Variants in INPP4A observed in about 807,000 individuals in gnomAD.
INPP4A encodes the protein inositol polyphosphate-4-phosphatase type I A, also known as inositol polyphosphate-4-phosphatase, type I, 107kD.
A neutral mutation model predicts 119.8 loss-of-function variants in INPP4A; 33 were observed. That is an observed-to-expected ratio of 0.28 (90% CI 0.21 to 0.37). INPP4A has a LOEUF of 0.37. Among genes scored for constraint, INPP4A ranks in the 10% least tolerant of loss-of-function variants. INPP4A has a pLI of 1.00. For synonymous variants in INPP4A, 496 were observed against 500.7 expected (o/e 0.99, Z 0.12); for missense variants, 956 against 1,289.9 (o/e 0.74, Z 3.97).
In INPP4A at chr2:98,591,273, C is replaced by T. The variant is rs555975723; in HGVS notation, c.*3665C>T. The T allele has an allele frequency of 1.8e-5, 3 of 167,674 alleles. No homozygotes were observed. Among genetic ancestry groups the T allele is most frequent in the African/African-American group, 7.1e-5 (3 of 42,094 alleles). The allele number at this position is 167,674 out of a possible 1,614,324, so 10.4% of individuals were successfully genotyped here. On this transcript the variant is annotated 3_prime_UTR_variant, in exon 25 of 25. Transcript: ENST00000409851. ...GGCTGGACTAAAGTGCTCACTGGCA[C>T]CTTGCTTGGTGCATGGGCCATGCTC...
At chr2:98,514,451 A>T (rs982208647) in intron 1 of INPP4A, among the ~76,000 whole-genome samples, 5 of 152,168 alleles carry the variant, frequency 3.3e-5, no homozygotes, top group Middle Eastern at 3.4e-3. Flanking sequence ...GGGGGCTCTT[A>T]AATTTAGGAT....
chr2:98,561,480 A>G (rs1160588110), intron 17 of INPP4A, among the ~76,000 whole-genome samples: 1 of 152,242 alleles, frequency 6.6e-6, no homozygotes, highest in African/African-American at 2.4e-5. Flanking sequence ...CTCTGGGCAG[A>G]TAACGACACT....
chr2:98,461,709 C>T (rs1697182107), intron 1 of INPP4A, among the ~76,000 whole-genome samples: 1 of 152,168 alleles, frequency 6.6e-6, no homozygotes, highest in Admixed American at 6.5e-5. Context: ...TGTGTATATG[C>T]CAGCAGGCCT....
chr2:98,556,283 C>T lies in INPP4A; in HGVS notation c.1822+475C>T, dbSNP rs1367432091. Among the ~76,000 whole-genome samples, 4 of 152,326 alleles carry T rather than the reference C, an allele frequency of 2.6e-5. No individual in the cohort carries two copies. The East Asian group carries it at 7.7e-4, about 29-fold the overall frequency. ...ATGTCTAAAAGCTGGTTGGCATTGG[C>T]TGGGCACTCTCTTATGCAGCAGAGG... On this transcript the variant is annotated intron_variant, in intron 16 of 24. Coordinates refer to ENST00000409851, the MANE Select transcript of INPP4A (RefSeq NM_001134225.2).
At position 98,552,493 on chromosome 2, in the gene INPP4A, GAT is replaced by G; in HGVS notation, c.1164-290_1164-289del. On this transcript the variant is annotated intron_variant, in intron 13 of 24. Transcript: ENST00000409851. The stretch of plus-strand genomic sequence containing the variant: ...ATTACGATCATTTGGGTGATTATGG[GAT>G]ATGATTGTTCAATACCTGTTCATAC... 4 of 507,030 alleles carry G rather than the reference GAT, an allele frequency of 7.9e-6. 1 individual carries two copies. The highest frequency in any genetic ancestry group is 1.5e-5 in the Non-Finnish European group (4 of 262,866). 31.4% of individuals were successfully genotyped at this position (507,030 alleles called of 1,614,324 possible).
intron 1 of INPP4A, among the ~76,000 whole-genome samples, chr2:98,479,650 C>T (rs1678000131): frequency 6.6e-6 from 1 of 152,210 alleles, no homozygotes; most frequent in South Asian, 2.1e-4. Context: ...ATCATTGTCT[C>T]ATAGATAAAA....
intron 1 of INPP4A, among the ~76,000 whole-genome samples, chr2:98,455,420 TGGATTG>T (rs1695963187): frequency 6.6e-6 from 1 of 151,970 alleles, no homozygotes; most frequent in African/African-American, 2.4e-5. Context: ...AGTGAGTAAA[TGGATTG>T]GCCTTAGGGA....
intron 10 of INPP4A, among the ~76,000 whole-genome samples, 185 bp downstream of exon 10, chr2:98,539,860 G>T (rs1005459456): frequency 1.3e-5 from 2 of 152,168 alleles, no homozygotes; most frequent in African/African-American, 4.8e-5. Context: ...ATGGATTCCT[G>T]TGCAAGGATT....
intron 1 of INPP4A, among the ~76,000 whole-genome samples, chr2:98,476,070 C>T (rs1283475162): frequency 6.6e-6 from 1 of 152,156 alleles, no homozygotes; most frequent in Non-Finnish European, 1.5e-5. Flanking sequence ...TGTTTTTCTC[C>T]TTAATGAGTC....
Position 98,566,211 on chromosome 2 carries a change from T to C in INPP4A, c.2420+42T>C, listed in dbSNP as rs1172046130. On this transcript the variant is annotated intron_variant, in intron 21 of 24. Transcript: ENST00000409851. This position sits in a 1 kb window ranked among gnomAD's most constrained non-coding sequence, Gnocchi z 4.2. ...CGGGGCTGCGGGGGTGTGGTGGCCC[T>C]GGAGATGATGCAGAAAACGTACTTA... 6.5e-7 allele frequency: 1 copy of C among 1,530,246 alleles called. No individual in the cohort carries two copies. The highest frequency in any genetic ancestry group is 8.8e-7 in the Non-Finnish European group (1 of 1,135,260). The allele number at this position is 1,530,246 out of a possible 1,614,324, so 94.8% of individuals were successfully genotyped here. A position where few individuals can be genotyped will look rare whatever the true frequency, so the allele number is the denominator to read the frequency against.
intron 13 of INPP4A, 136 bp from the exon 14 acceptor site, chr2:98,552,650 C>T: frequency 1.3e-6 from 1 of 786,438 alleles, no homozygotes; most frequent in Non-Finnish European, 2.3e-6. Context: ...TCATCAACAA[C>T]TAGAGTAGCT....
intron 1 of INPP4A, among the ~76,000 whole-genome samples, chr2:98,470,833 A>G (rs890481158): frequency 6.6e-6 from 1 of 151,748 alleles, no homozygotes; most frequent in Non-Finnish European, 1.5e-5. Context: ...ACGCCCGGCT[A>G]ATTTTTGTAT....
At chr2:98,513,723 C>A (rs1343963875) in intron 1 of INPP4A, among the ~76,000 whole-genome samples, 1 of 152,226 alleles carries the variant, frequency 6.6e-6, no homozygotes, top group Non-Finnish European at 1.5e-5. Context: ...TTGGGCTTGG[C>A]CATTCTGGAG....
chr2:98,517,488 C>T (rs1035169919), intron 1 of INPP4A, among the ~76,000 whole-genome samples: 3 of 152,194 alleles, frequency 2.0e-5, no homozygotes, highest in Non-Finnish European at 2.9e-5. Context: ...CTTCCAGTTA[C>T]TCCACGTCCT....
intron 2 of INPP4A, chr2:98,519,576 T>G (rs1020232470): frequency 7.0e-5 from 11 of 157,438 alleles, no homozygotes; most frequent in African/African-American, 2.4e-4. Flanking sequence ...TCACAGAGGT[T>G]GTGGTGAATT....
chr2:98,451,653 C>T (rs1695249557), intron 1 of INPP4A, among the ~76,000 whole-genome samples: 1 of 152,184 alleles, frequency 6.6e-6, no homozygotes, highest in South Asian at 2.1e-4. Flanking sequence ...GTGGTGTCAG[C>T]TGCTGTTATG....
At chr2:98,532,178 T>G (rs1165158373) in intron 4 of INPP4A, among the ~76,000 whole-genome samples, 3 of 152,150 alleles carry the variant, frequency 2.0e-5, no homozygotes, top group African/African-American at 7.2e-5. Context: ...GCCAAGGTAT[T>G]GCTCTCCCCC....
At chr2:98,549,081 G>A in intron 13 of INPP4A, 1 of 930,234 alleles carries the variant, frequency 1.1e-6, no homozygotes, top group East Asian at 2.5e-5. Context: ...GTGCTGCCAT[G>A]GTTCCTAGTT....
intron 1 of INPP4A, among the ~76,000 whole-genome samples, chr2:98,447,818 C>T (rs934015609): frequency 4.6e-5 from 7 of 151,972 alleles, no homozygotes; most frequent in Admixed American, 3.9e-4. Flanking sequence ...GAGGCCGAGG[C>T]GGGCGGATCA....
Sources: allele counts gnomAD v4.1 joint callset (sites outside exome capture counted in the v4.1 genomes callset), GRCh38; gene constraint gnomAD v4.1.1; non-coding constraint Gnocchi (gnomAD v3.1); transcripts MANE v1.5; gene names NCBI Gene and HGNC (gene_info 2026-07-23, HGNC 2026-07-21).